SLX4IP: variants seen among roughly 807,000 people sequenced by gnomAD.
SLX4IP encodes the protein protein SLX4IP.
In SLX4IP, 34 loss-of-function variants were observed where a neutral mutation model predicts 32.9. The ratio of observed to expected loss-of-function variants is 1.03; its 90% CI spans 0.79 to 1.38. The LOEUF is 1.38. SLX4IP is among the 40% of genes most tolerant of loss of function. The pLI, the probability that SLX4IP is intolerant of heterozygous loss-of-function variation, is 0.00. For missense variants in SLX4IP, 444 were observed against 479.0 expected (o/e 0.93, Z 0.68); for synonymous variants, 172 against 171.7 (o/e 1.00, Z -0.01).
intron 4 of SLX4IP, among the ~76,000 whole-genome samples, chr20:10,574,874 T>C (rs950935990): frequency 2.0e-5 from 3 of 152,106 alleles, no homozygotes; most frequent in African/African-American, 7.2e-5. Flanking sequence ...GGTTTCTCCA[T>C]GTTAGCCAGG....
At chr20:10,549,367 G>A (rs564384495) in intron 2 of SLX4IP, among the ~76,000 whole-genome samples, 1 of 152,162 alleles carries the variant, frequency 6.6e-6, no homozygotes, top group South Asian at 2.1e-4. Flanking sequence ...CCGTATCTGT[G>A]TTGGAATGGA....
intron 6 of SLX4IP, chr20:10,614,049 CG>C (rs1771701407): frequency 6.7e-6 from 10 of 1,485,962 alleles, no homozygotes; most frequent in Middle Eastern, 2.4e-4. Flanking sequence ...CTGGAAGCAG[CG>C]GGTGGCGTCC....
rs1448094927 is a variant in SLX4IP at position 10,537,917 on chromosome 20, ATCCCT to A, written c.28-18311_28-18307del. 2.0e-5 allele frequency among the ~76,000 whole-genome samples: 3 copies of A among 152,166 alleles called. No homozygotes were observed. In the East Asian group the frequency reaches 5.8e-4, roughly 29 times the overall value. On this transcript the variant is annotated intron_variant, in intron 2 of 7. Transcript: ENST00000334534. ...TTTTAATTCCTTTCTCCCTGCCTCC[ATCCCT>A]TCTTTCATTGATTTAGGCCCTGTTA...
At position 10,627,828 on chromosome 20, in the gene SLX4IP, A is replaced by G. The variant is rs535306247; in HGVS notation, c.*4449A>G. Reference sequence around the variant, plus strand: ...GGAACAGAAGGTGTGAATTGGACAGATCCCCCGAATAACTTTCTTCAATCA... The same window carrying G: ...GGAACAGAAGGTGTGAATTGGACAGGTCCCCCGAATAACTTTCTTCAATCA... On this transcript the variant is annotated 3_prime_UTR_variant, in exon 8 of 8. Coordinates refer to ENST00000334534, the MANE Select transcript of SLX4IP (RefSeq NM_001009608.3). 1 of 152,348 alleles carries G rather than the reference A, an allele frequency of 6.6e-6. No homozygotes were observed. Among genetic ancestry groups the G allele is most frequent in the East Asian group, 1.9e-4 (1 of 5,190 alleles). 9.4% of individuals were successfully genotyped at this position (152,348 alleles called of 1,614,324 possible). A position where few individuals can be genotyped will look rare whatever the true frequency, so the allele number is the denominator to read the frequency against.
At chr20:10,494,041 T>C (rs1816811779) in intron 2 of SLX4IP, among the ~76,000 whole-genome samples, 2 of 151,982 alleles carry the variant, frequency 1.3e-5, no homozygotes, top group African/African-American at 4.8e-5. Flanking sequence ...TCGTATTTTA[T>C]CCTTTAATAT....
chr20:10,604,911 G>A (rs2066887885), intron 6 of SLX4IP, among the ~76,000 whole-genome samples: 1 of 152,184 alleles, frequency 6.6e-6, no homozygotes, highest in Admixed American at 6.5e-5. Flanking sequence ...GGACTGGGGA[G>A]TCTTTTGAGA....
Position 10,595,756 on chromosome 20 carries a change from C to T in SLX4IP, c.239-2919C>T, listed in dbSNP as rs775210970. On this transcript the variant is annotated intron_variant, in intron 4 of 7. Coordinates refer to ENST00000334534, the MANE Select transcript of SLX4IP (RefSeq NM_001009608.3). ...TGTTTATAGATCAAATTTAGTTTGC[C>T]ATAAGAACTGGCATAGTACCTTTTG... Among the ~76,000 whole-genome samples, 38 of 152,162 alleles carry T rather than the reference C, an allele frequency of 2.5e-4. 1 individual carries two copies. The highest frequency in any genetic ancestry group is 1.6e-4 in the Non-Finnish European group (11 of 68,034).
intron 4 of SLX4IP, among the ~76,000 whole-genome samples, chr20:10,574,520 G>A (rs926551468): frequency 2.0e-5 from 3 of 151,976 alleles, no homozygotes; most frequent in Admixed American, 1.3e-4. Context: ...AGCTTTTATG[G>A]TGACACAACT....
chr20:10,463,821 G>C (rs971252792), intron 2 of SLX4IP, among the ~76,000 whole-genome samples: 1 of 152,122 alleles, frequency 6.6e-6, no homozygotes, highest in Non-Finnish European at 1.5e-5. Context: ...TTGCCCTGTT[G>C]CTCAGGCTGG....
rs547526725 is a variant in SLX4IP at position 10,626,821 on chromosome 20, A to G, written c.*3442A>G. 1.4e-4 allele frequency: 21 copies of G among 152,358 alleles called. No homozygotes were observed. Among genetic ancestry groups the G allele is most frequent in the Admixed American group, 1.1e-3 (17 of 15,306 alleles). 9.4% of individuals were successfully genotyped at this position (152,358 alleles called of 1,614,324 possible). On this transcript the variant is annotated 3_prime_UTR_variant, in exon 8 of 8. Transcript: ENST00000334534. ...AGTGTATTTCATTTTATAAAAAGCAAGAATCATAAAAACCCTCTGTATTTT... is the reference window on the plus strand; with the variant it reads ...AGTGTATTTCATTTTATAAAAAGCAGGAATCATAAAAACCCTCTGTATTTT...
At chr20:10,471,616 T>C (rs2065425743) in intron 2 of SLX4IP, among the ~76,000 whole-genome samples, 1 of 152,228 alleles carries the variant, frequency 6.6e-6, no homozygotes, top group Admixed American at 6.5e-5. Context: ...TTTTAGTCCT[T>C]GCTATTGATT....
At chr20:10,561,545 CTTT>C (rs749781715) in intron 4 of SLX4IP, among the ~76,000 whole-genome samples, 2 of 139,140 alleles carry the variant, frequency 1.4e-5, no homozygotes, top group Non-Finnish European at 1.6e-5. Flanking sequence ...TTTCTTTTTT[CTTT>C]TTTTTTTTTT....
chr20:10,606,940 G>A (rs1016875080), intron 6 of SLX4IP, among the ~76,000 whole-genome samples: 2 of 152,076 alleles, frequency 1.3e-5, no homozygotes, highest in Admixed American at 6.5e-5. Flanking sequence ...CCTTTCACTT[G>A]TATGTCAGTG....
At chr20:10,573,470 G>A (rs1411693392) in intron 4 of SLX4IP, among the ~76,000 whole-genome samples, 2 of 152,166 alleles carry the variant, frequency 1.3e-5, no homozygotes, top group African/African-American at 4.8e-5. Context: ...ATGTGAGTCA[G>A]TTATTACAAT....
Position 10,622,671 on chromosome 20 carries a change from T to C in SLX4IP, c.519T>C (p.Thr173=). The change falls in exon 8 of 8, where the codon ACT becomes ACC. Residue 173 remains threonine, a synonymous_variant. Transcript: ENST00000334534. ...TTGTTTGTTTCAGTGTGAAAAGAAC[T>C]GAAACAAAAAGCAGTGTCACGAGCA... ...RNALKEIVKR[T]ETKSSVTSKS... The C allele has an allele frequency of 6.2e-7, 1 of 1,607,508 alleles. No individual in the cohort carries two copies. Among genetic ancestry groups the C allele is most frequent in the South Asian group, 1.1e-5 (1 of 90,952 alleles).
chr20:10,610,152 A>G lies in SLX4IP; in HGVS notation c.405+8333A>G, dbSNP rs149921111. Among the ~76,000 whole-genome samples, 13 of 152,254 alleles carry G rather than the reference A, an allele frequency of 8.5e-5. No homozygotes were observed. In the East Asian group the frequency reaches 2.3e-3, roughly 27 times the overall value. ...ATTTTTAGGTTCTTGAGGGTAGGTG[A>G]ATGTAAACTGGAAAATCCCTGTGAA... is the stretch of plus-strand genomic sequence containing the variant. On this transcript the variant is annotated intron_variant, in intron 6 of 7. Transcript: ENST00000334534.
chr20:10,614,144 C>T, intron 6 of SLX4IP: 1 of 1,188,128 alleles, frequency 8.4e-7, no homozygotes, highest in East Asian at 2.5e-5. Flanking sequence ...CATCGGAGGC[C>T]TCGCGTTGCA....
At chr20:10,488,782 ATTTTTTTTCTTTTCATTCAAGAGTCATT>A (rs1451433970) in intron 2 of SLX4IP, among the ~76,000 whole-genome samples, 2 of 151,728 alleles carry the variant, frequency 1.3e-5, no homozygotes, top group Non-Finnish European at 2.9e-5. Context: ...TCAGTTCCCA[ATTTTTTTTCTTTTCATTCAAGAGTCATT>A]GGTGATAGAC....
chr20:10,623,001 A>G lies in SLX4IP; in HGVS notation c.849A>G (p.Pro283=). The G allele has an allele frequency of 6.2e-7, 1 of 1,614,210 alleles. No individual in the cohort carries two copies. The highest frequency in any genetic ancestry group is 8.5e-7 in the Non-Finnish European group (1 of 1,180,040). The change falls in exon 8 of 8, where the codon CCA becomes CCG. Residue 283 remains proline, a synonymous_variant. Transcript: ENST00000334534. ...VCSCESASPC[P]KQSPRVAKTQ... is the part of the protein sequence containing the mutation. Reference sequence around the variant, plus strand: ...GCTGTGAGTCAGCATCACCATGTCCAAAACAAAGTCCACGAGTGGCCAAAA... The same window carrying G: ...GCTGTGAGTCAGCATCACCATGTCCGAAACAAAGTCCACGAGTGGCCAAAA...
Sources: gnomAD v4.1 joint callset for allele counts (sites outside exome capture counted in the v4.1 genomes callset) on GRCh38, gnomAD v4.1.1 for gene constraint, MANE v1.5 for transcripts, NCBI Gene and HGNC (gene_info 2026-07-23, HGNC 2026-07-21) for gene names.